Variants in SEH1L observed in about 807,000 individuals in gnomAD.
SEH1L encodes the protein SEH1 like nucleoporin.
In SEH1L, 18 loss-of-function variants were observed where a neutral mutation model predicts 49.5. The ratio of observed to expected loss-of-function variants is 0.36; its 90% CI spans 0.25 to 0.54. The LOEUF (loss-of-function observed/expected upper bound fraction) is 0.54, where lower values mean the gene tolerates loss of function less well. Ranked by LOEUF, SEH1L falls within the 20% of genes least tolerant of loss-of-function variation. The pLI is 0.87. For missense variants in SEH1L, 404 were observed against 528.8 expected (o/e 0.76, Z 2.31); for synonymous variants, 169 against 178.1 (o/e 0.95, Z 0.41).
intron 1 of SEH1L, among the ~76,000 whole-genome samples, chr18:12,949,464 T>G (rs999994816): frequency 1.1e-4 from 15 of 134,214 alleles, no homozygotes; most frequent in East Asian, 1.1e-3. Flanking sequence ...TTTTTTTTTT[T>G]TTTTTTGAGA....
intron 8 of SEH1L, chr18:12,985,439 C>G (rs2032425417): frequency 3.0e-6 from 4 of 1,318,408 alleles, no homozygotes; most frequent in Non-Finnish European, 3.9e-6. Flanking sequence ...TTGTACTAGT[C>G]AGTTTATTGA....
chr18:12,949,127 A>T (rs926412710), intron 1 of SEH1L, among the ~76,000 whole-genome samples: 2 of 148,956 alleles, frequency 1.3e-5, no homozygotes, highest in East Asian at 2.1e-4. Context: ...TCGGCCTCCC[A>T]AAGTGCTGGG....
At chr18:12,971,650 A>G (rs1307428072) in intron 5 of SEH1L, 10 of 155,588 alleles carry the variant, frequency 6.4e-5, no homozygotes, top group Admixed American at 1.3e-4. Flanking sequence ...AAAAAAGAGG[A>G]GAAGGTAATT....
At chr18:12,971,956 T>C (rs941687880) in intron 5 of SEH1L, 2 of 151,858 alleles carry the variant, frequency 1.3e-5, no homozygotes, top group African/African-American at 4.8e-5. Flanking sequence ...CAAAAATGAG[T>C]GTGGAGAGAA....
intron 5 of SEH1L, among the ~76,000 whole-genome samples, chr18:12,975,452 A>C (rs2145650092): frequency 6.6e-6 from 1 of 151,994 alleles, no homozygotes; most frequent in East Asian, 1.9e-4. Context: ...GGCAGCACAT[A>C]CCTGCCTGGT....
chr18:12,981,452 G>A (rs892611746), intron 6 of SEH1L, among the ~76,000 whole-genome samples: 3 of 152,210 alleles, frequency 2.0e-5, no homozygotes, highest in Admixed American at 6.5e-5. Context: ...CTGCCATCCC[G>A]GCACCTCGGG....
In SEH1L at chr18:12,948,220, T is replaced by G; in HGVS notation, c.99T>G (p.Asp33Glu). Reference sequence around the variant, plus strand: ...GGCGGATGGCAACCTGCTCCAGCGATCAGAGCGTTAAGGTGCGCGCGGCGC... The same window carrying G: ...GGCGGATGGCAACCTGCTCCAGCGAGCAGAGCGTTAAGGTGCGCGCGGCGC... Reference protein sequence around the residue: ...HGRRMATCSSDQSVKVWDKSE... With the variant: ...HGRRMATCSSEQSVKVWDKSE... Residue 33 changes from aspartate (D) to glutamate (E), a missense_variant, in exon 1 of 9, where the codon GAT becomes GAG. This residue lies in a region of SEH1L where 57 missense variants were observed against 71.9 expected (regional missense o/e 0.79). Transcript: ENST00000399892. 1 of 1,611,024 alleles carries G rather than the reference T, an allele frequency of 6.2e-7. No individual in the cohort carries two copies. The highest frequency in any genetic ancestry group is 2.2e-5 in the East Asian group (1 of 44,644).
At chr18:12,949,432 T>G (rs2030354769) in intron 1 of SEH1L, among the ~76,000 whole-genome samples, 1 of 143,516 alleles carries the variant, frequency 7.0e-6, no homozygotes, top group Non-Finnish European at 1.5e-5. Flanking sequence ...TGTAATAAAC[T>G]ACGTTAACCG....
In SEH1L at chr18:12,981,849, C is replaced by CTTTTTTTTTTTTTTTTTT. The variant is rs1467685892; in HGVS notation, c.762-669_762-668insTTTTTTTTTTTTTTTTTT. Reference sequence around the variant, plus strand: ...ATTCTTTCCTACTTGCTGCCCTGCCCATTTTTTTTTTTTTTTTTTTTTTTT... The same window carrying CTTTTTTTTTTTTTTTTTT: ...ATTCTTTCCTACTTGCTGCCCTGCCCTTTTTTTTTTTTTTTTTTATTTTTTTTTTTTTTTTTTTTTTTT... On this transcript the variant is annotated intron_variant, in intron 6 of 8. Coordinates refer to ENST00000399892, the MANE Select transcript of SEH1L (RefSeq NM_001013437.2). Among the ~76,000 whole-genome samples, 10 of 102,504 alleles carry CTTTTTTTTTTTTTTTTTT rather than the reference C, an allele frequency of 9.8e-5. 2 individuals are homozygous for CTTTTTTTTTTTTTTTTTT. Among genetic ancestry groups the CTTTTTTTTTTTTTTTTTT allele is most frequent in the African/African-American group, 1.8e-4 (4 of 21,662 alleles). The allele number at this position is 102,504 out of a possible 152,430, so 67.2% of individuals were successfully genotyped here.
chr18:12,963,398 A>G, intron 4 of SEH1L, 27 bp downstream of exon 4: 1 of 1,534,364 alleles, frequency 6.5e-7, no homozygotes, highest in South Asian at 1.1e-5. Context: ...AACCTCTGAT[A>G]ACATCCTAGT....
chr18:12,956,642 T>C (rs1157363220), intron 3 of SEH1L, among the ~76,000 whole-genome samples: 1 of 148,684 alleles, frequency 6.7e-6, no homozygotes, highest in East Asian at 1.9e-4. Flanking sequence ...TTTTAACCTT[T>C]AGAAGACATT....
intron 4 of SEH1L, among the ~76,000 whole-genome samples, chr18:12,970,077 G>C (rs1406571758): frequency 6.6e-6 from 1 of 152,062 alleles, no homozygotes; most frequent in African/African-American, 2.4e-5. Flanking sequence ...TGAAGCTTTA[G>C]TAATAAAGAA....
chr18:12,968,186 C>A (rs995116208), intron 4 of SEH1L, among the ~76,000 whole-genome samples: 4 of 152,128 alleles, frequency 2.6e-5, no homozygotes, highest in African/African-American at 9.7e-5. Flanking sequence ...GCATTTTTCT[C>A]CTGCTGGGTG....
rs1463077173 is a variant in SEH1L at position 12,981,850 on chromosome 18, A to ATTTTTATTTTTTTTTTTT, written c.762-663_762-662insATTTTTTTTTTTTTTTTT. ...TTCTTTCCTACTTGCTGCCCTGCCC[A>ATTTTTATTTTTTTTTTTT]TTTTTTTTTTTTTTTTTTTTTTTTT... On this transcript the variant is annotated intron_variant, in intron 6 of 8. Transcript: ENST00000399892. 2.0e-4 allele frequency among the ~76,000 whole-genome samples: 18 copies of ATTTTTATTTTTTTTTTTT among 88,192 alleles called. 1 individual carries two copies. Among genetic ancestry groups the ATTTTTATTTTTTTTTTTT allele is most frequent in the African/African-American group, 9.1e-4 (16 of 17,578 alleles). The allele number at this position is 88,192 out of a possible 152,430, so 57.9% of individuals were successfully genotyped here.
intron 7 of SEH1L, among the ~76,000 whole-genome samples, chr18:12,983,451 T>A (rs1431013248): frequency 6.6e-6 from 1 of 152,246 alleles, no homozygotes; most frequent in East Asian, 1.9e-4. Context: ...TGTCCTTTTC[T>A]GCCTTTAGGC....
chr18:12,984,708 T>C (rs1423024200), intron 8 of SEH1L: 1 of 153,598 alleles, frequency 6.5e-6, no homozygotes, highest in Non-Finnish European at 1.4e-5. Context: ...ATTTAGCATA[T>C]GTTACATTCT....
chr18:12,951,276 G>C (rs2030507135), intron 1 of SEH1L, among the ~76,000 whole-genome samples: 1 of 152,162 alleles, frequency 6.6e-6, no homozygotes, highest in Admixed American at 6.5e-5. Context: ...TGGTGATTTT[G>C]CTGTTTAAAA....
In SEH1L at chr18:12,968,700, C is replaced by T. The variant is rs373996355; in HGVS notation, c.522-2453C>T. ...CTCTTTCTAGATTTCTAGCCCTGTA[C>T]GATAATATTCTTTCATCATTTCAGT... is the stretch of plus-strand genomic sequence containing the variant. On this transcript the variant is annotated intron_variant, in intron 4 of 8. Coordinates refer to ENST00000399892, the MANE Select transcript of SEH1L (RefSeq NM_001013437.2). Among the ~76,000 whole-genome samples, 60 of 152,240 alleles carry T rather than the reference C, an allele frequency of 3.9e-4. 2 individuals are homozygous for T. The East Asian group carries it at 5.2e-3, about 13-fold the overall frequency.
chr18:12,963,121 T>G, intron 3 of SEH1L, 39 bp from the exon 4 acceptor site: 1 of 1,462,740 alleles, frequency 6.8e-7, no homozygotes, highest in Non-Finnish European at 9.4e-7. Context: ...CATGCTTTCT[T>G]TTTGTATATA....
Sources: allele counts gnomAD v4.1 joint callset (sites outside exome capture counted in the v4.1 genomes callset), GRCh38; gene constraint gnomAD v4.1.1; regional missense constraint gnomAD v4.1.1; transcripts MANE v1.5; gene names NCBI Gene and HGNC (gene_info 2026-07-23, HGNC 2026-07-21).